Variants in PARP16 observed in about 807,000 individuals in gnomAD.
PARP16 encodes poly(ADP-ribose) polymerase family member 16.
PARP16 carries 31 observed loss-of-function variants against 35.0 expected under a neutral mutation model. That is an observed-to-expected ratio of 0.88 (90% CI 0.66 to 1.19). The LOEUF is 1.19. PARP16 is among the 50% of genes most tolerant of loss of function. PARP16 has a pLI of 0.00. For synonymous variants in PARP16, 162 were observed against 169.5 expected (o/e 0.96, Z 0.34); for missense variants, 424 against 411.2 (o/e 1.03, Z -0.27).
downstream of PARP16, among the ~76,000 whole-genome samples, chr15:65,257,474 T>A: frequency 7.0e-6 from 1 of 142,046 alleles, no homozygotes; most frequent in Admixed American, 7.0e-5. Context: ...AAAATAAAAA[T>A]ACAAAAATGA....
rs2090602475 is a variant in PARP16, at chr15:65,286,491, G to C, written c.-65C>G. On this transcript the variant is annotated 5_prime_UTR_variant, in exon 1 of 6. Transcript: ENST00000649807. ...AGGGGCAAGGGCGAGCGTGCGTTCA[G>C]CGCGGGGGCTGGGCCCGCGGACAAT... is the stretch of plus-strand genomic sequence containing the variant. 7.8e-7 allele frequency: 1 copy of C among 1,277,414 alleles called. No individual in the cohort carries two copies. The highest frequency in any genetic ancestry group is 1.0e-6 in the Non-Finnish European group (1 of 978,318). The allele number at this position is 1,277,414 out of a possible 1,614,324, so 79.1% of individuals were successfully genotyped here.
chr15:65,246,633 G>C (rs901000065), intron 3 of PARP16, among the ~76,000 whole-genome samples: 2 of 152,156 alleles, frequency 1.3e-5, no homozygotes, highest in Admixed American at 6.5e-5. Context: ...GGGGCTCAGG[G>C]GCAGAATCAG....
At chr15:65,282,529 A>T (rs1219157553) in intron 1 of PARP16, 3 of 152,222 alleles carry the variant, frequency 2.0e-5, no homozygotes, top group African/African-American at 4.8e-5. Context: ...TGTCCCCAGA[A>T]ATGGTGCCAG....
At chr15:65,283,447 T>G (rs1219434573) in intron 1 of PARP16, among the ~76,000 whole-genome samples, 1 of 152,154 alleles carries the variant, frequency 6.6e-6, no homozygotes, top group Non-Finnish European at 1.5e-5. Flanking sequence ...ATGTGTAGCC[T>G]TGCATGCTCC....
chr15:65,250,220 C>T (rs866738347), intron 2 of PARP16, among the ~76,000 whole-genome samples: 22 of 148,922 alleles, frequency 1.5e-4, no homozygotes, highest in Non-Finnish European at 2.2e-4. Flanking sequence ...CAGGTTCAAG[C>T]GATTCTCCTG....
At position 65,275,794 on chromosome 15, in the gene PARP16, G is replaced by C. The variant is rs62012558; in HGVS notation, c.175-4722C>G. Among the ~76,000 whole-genome samples the C allele has an allele frequency of 4.0e-3, 613 of 152,292 alleles. 3 individuals are homozygous for C. Among genetic ancestry groups the C allele is most frequent in the African/African-American group, 0.013 (542 of 41,560 alleles). ...CCCATACAGGACTGCTGCCTGCACA[G>C]TCCAAAGGGCACTCATCCCCCTTCC... is the stretch of plus-strand genomic sequence containing the variant. On this transcript the variant is annotated intron_variant, in intron 1 of 5. Transcript: ENST00000649807.
intron 1 of PARP16, chr15:65,285,490 T>C (rs1358431441): frequency 2.5e-6 from 1 of 406,510 alleles, no homozygotes; most frequent in Non-Finnish European, 4.8e-6. Flanking sequence ...CAGAATCTGA[T>C]ACCAATTAAA....
chr15:65,235,114 G>A (rs148586581), intron 3 of PARP16, among the ~76,000 whole-genome samples: 116 of 152,096 alleles, frequency 7.6e-4, no homozygotes, highest in African/African-American at 2.5e-3. Context: ...ACTGCACGTT[G>A]TGCAAACGTA....
intron 2 of PARP16, among the ~76,000 whole-genome samples, chr15:65,267,678 CTTTTTTTTTTT>C (rs556058787): frequency 3.8e-5 from 2 of 53,034 alleles, no homozygotes; most frequent in Non-Finnish European, 6.5e-5. Context: ...ATTTTCCTAA[CTTTTTTTTTTT>C]TTTTTTTTTT....
intron 1 of PARP16, among the ~76,000 whole-genome samples, chr15:65,275,171 G>A (rs939842590): frequency 6.6e-6 from 1 of 152,102 alleles, no homozygotes; most frequent in African/African-American, 2.4e-5. Context: ...ACTACTAAGA[G>A]GACAAGGTGG....
At chr15:65,242,989 A>G (rs2089119904) in intron 3 of PARP16, among the ~76,000 whole-genome samples, 1 of 152,156 alleles carries the variant, frequency 6.6e-6, no homozygotes, top group Non-Finnish European at 1.5e-5. Context: ...TGCTGGAATT[A>G]CAGGCGTGAG....
intron 1 of PARP16, among the ~76,000 whole-genome samples, chr15:65,284,295 T>G (rs1175229225): frequency 1.3e-5 from 2 of 152,084 alleles, no homozygotes; most frequent in Non-Finnish European, 2.9e-5. Context: ...AAGATAATTT[T>G]TGCATTCATA....
chr15:65,235,590 G>T (rs1273806958), intron 3 of PARP16, among the ~76,000 whole-genome samples: 1 of 144,420 alleles, frequency 6.9e-6, no homozygotes, highest in Non-Finnish European at 1.5e-5. Flanking sequence ...GTTTGTTTGA[G>T]CCCAGGGTTC....
rs2089909483 is a variant in PARP16 at position 65,266,855 on chromosome 15, T to C, written c.313-87A>G. The C allele has an allele frequency of 3.4e-6, 3 of 883,182 alleles. No individual in the cohort carries two copies. The East Asian group carries it at 7.9e-5, about 23-fold the overall frequency. The allele number at this position is 883,182 out of a possible 1,614,324, so 54.7% of individuals were successfully genotyped here. ...AGCCCCCTAAACTCTCAGGCTTAACTCCCATGGACTCTGCTCATGAGAACA... is the reference window on the plus strand; with the variant it reads ...AGCCCCCTAAACTCTCAGGCTTAACCCCCATGGACTCTGCTCATGAGAACA... On this transcript the variant is annotated intron_variant, in intron 2 of 5. Coordinates refer to ENST00000649807, the MANE Select transcript of PARP16 (RefSeq NM_001316943.2).
chr15:65,259,432 T>C lies in PARP16; in HGVS notation c.944A>G (p.His315Arg). The change falls in exon 6 of 6, where the codon CAC becomes CGC. Residue 315 changes from histidine to arginine, a missense_variant. By Grantham distance (29) the His-to-Arg change is conservative. Coordinates refer to ENST00000649807, the MANE Select transcript of PARP16 (RefSeq NM_001316943.2). ...VSVINSSAFQ[H>R]FWNRAKR ...TTATCTTTTCGCACGATTCCAAAAG[T>C]GTTGGAAAGCAGAGGAGTTGATGAC... 6.2e-7 allele frequency: 1 copy of C among 1,613,984 alleles called. No homozygotes were observed. Among genetic ancestry groups the C allele is most frequent in the Non-Finnish European group, 8.5e-7 (1 of 1,179,970 alleles).
intron 1 of PARP16, among the ~76,000 whole-genome samples, chr15:65,280,229 G>C (rs2090379962): frequency 6.6e-6 from 1 of 151,972 alleles, no homozygotes; most frequent in Non-Finnish European, 1.5e-5. Flanking sequence ...TTGACTCCAG[G>C]AGTTTGAGAC....
At chr15:65,247,474 T>C (rs1210386149) in intron 3 of PARP16, among the ~76,000 whole-genome samples, 3 of 152,146 alleles carry the variant, frequency 2.0e-5, no homozygotes, top group Non-Finnish European at 4.4e-5. Flanking sequence ...AAGTAATTAA[T>C]TAACCCAGGA....
At chr15:65,240,098 G>T (rs755644712) in intron 3 of PARP16, among the ~76,000 whole-genome samples, 1 of 151,302 alleles carries the variant, frequency 6.6e-6, no homozygotes, top group African/African-American at 2.4e-5. Context: ...CAAGTAGCTG[G>T]GACTACAGGC....
In PARP16 at chr15:65,266,564, T is replaced by C; in HGVS notation, c.517A>G (p.Lys173Glu). The C allele has an allele frequency of 1.9e-6, 3 of 1,612,522 alleles. No homozygotes were observed. Among genetic ancestry groups the C allele is most frequent in the Non-Finnish European group, 2.5e-6 (3 of 1,178,548 alleles). Residue 173 changes from lysine to glutamate, a missense_variant and splice_region_variant, in exon 3 of 6, where the codon AAG (lysine) becomes GAG (glutamate). Coordinates refer to ENST00000649807, the MANE Select transcript of PARP16 (RefSeq NM_001316943.2). The stretch of plus-strand genomic sequence containing the variant: ...GCAGGGTGTCCCTTAGGCCCCACCT[T>C]GTTCAGATGGCAGTGCAGGCCATTG... ...IHNGLHCHLN[K>E]TSLFGEGTYL...
Sources: gnomAD v4.1 joint callset for allele counts (sites outside exome capture counted in the v4.1 genomes callset) on GRCh38, gnomAD v4.1.1 for gene constraint, MANE v1.5 for transcripts, NCBI Gene and HGNC (gene_info 2026-07-23, HGNC 2026-07-21) for gene names.